MAGI2: variants seen among roughly 807,000 people sequenced by gnomAD.
The protein encoded by MAGI2 is membrane associated guanylate kinase, WW and PDZ domain containing 2.
Under a neutral mutation model 133.3 loss-of-function variants are expected in MAGI2, and 35 were observed. The observed-to-expected ratio is 0.26, with a 90% CI of 0.20 to 0.35. MAGI2 has a LOEUF of 0.35. MAGI2 is among the 10% of genes least tolerant of loss of function. The pLI is 1.00. For missense variants in MAGI2, 1,636 were observed against 1,863.4 expected, an observed-to-expected ratio of 0.88 and a Z score of 2.25; for synonymous variants, 729 against 710.6, an observed-to-expected ratio of 1.03 and a Z score of -0.41.
At chr7:79,173,009 T>C (rs1825757212) in intron 1 of MAGI2, 1 of 152,046 alleles carries the variant, frequency 6.6e-6, no homozygotes, top group South Asian at 2.1e-4. Flanking sequence ...AGAAATTAGC[T>C]ATTATGATTA....
At chr7:78,937,278 G>A (rs1481449680) in intron 2 of MAGI2, among the ~76,000 whole-genome samples, 1 of 152,074 alleles carries the variant, frequency 6.6e-6, no homozygotes, top group African/African-American at 2.4e-5. Flanking sequence ...AAAGAAATCT[G>A]TTAGTCCATA....
intron 2 of MAGI2, among the ~76,000 whole-genome samples, chr7:78,631,441 C>T (rs1161255962): frequency 6.6e-6 from 1 of 152,164 alleles, no homozygotes; most frequent in Non-Finnish European, 1.5e-5. Context: ...CATCGCTGCT[C>T]TTCCTGATGA....
intron 3 of MAGI2, among the ~76,000 whole-genome samples, chr7:78,601,697 C>T (rs1805228144): frequency 6.6e-6 from 1 of 152,152 alleles, no homozygotes; most frequent in African/African-American, 2.4e-5. Flanking sequence ...AAAATTACCA[C>T]ATTCCACAAC....
At chr7:78,158,388 G>A (rs1358026875) in intron 16 of MAGI2, 7 of 152,204 alleles carry the variant, frequency 4.6e-5, no homozygotes, top group African/African-American at 1.7e-4. Context: ...GGAAGCCTGA[G>A]AATCTGAAAA....
intron 6 of MAGI2, among the ~76,000 whole-genome samples, chr7:78,477,103 C>G (rs1310969081): frequency 4.9e-5 from 4 of 80,922 alleles, no homozygotes; most frequent in African/African-American, 2.5e-4. Flanking sequence ...ATCTGTTTCT[C>G]CCATTTCTGA....
chr7:78,776,866 G>C (rs770643739), intron 2 of MAGI2, among the ~76,000 whole-genome samples: 4 of 152,178 alleles, frequency 2.6e-5, no homozygotes, highest in Admixed American at 6.5e-5. Context: ...AACAGGTAAA[G>C]ATTCTACTCT....
At chr7:78,655,062 C>T (rs1285217823) in intron 2 of MAGI2, among the ~76,000 whole-genome samples, 2 of 151,542 alleles carry the variant, frequency 1.3e-5, no homozygotes, top group South Asian at 4.2e-4. Flanking sequence ...TTTTATATAT[C>T]GCATGCCCGT....
intron 1 of MAGI2, among the ~76,000 whole-genome samples, chr7:79,178,672 A>G (rs981112081): frequency 2.0e-5 from 3 of 151,702 alleles, no homozygotes; most frequent in Non-Finnish European, 1.5e-5. Flanking sequence ...AGATCACGCC[A>G]CTGCACTCCA....
intron 10 of MAGI2, among the ~76,000 whole-genome samples, chr7:78,239,443 A>G (rs960269700): frequency 6.6e-6 from 1 of 152,252 alleles, no homozygotes; most frequent in African/African-American, 2.4e-5. Context: ...TCTGTGCAGA[A>G]GAGGAAACAA....
At chr7:78,516,229 G>C (rs1208414178) in intron 4 of MAGI2, among the ~76,000 whole-genome samples, 1 of 152,326 alleles carries the variant, frequency 6.6e-6, no homozygotes, top group South Asian at 2.1e-4. Context: ...ATTAATGGGA[G>C]CCCGTGCTAA....
chr7:78,293,704 G>A (rs1286640107), intron 9 of MAGI2, among the ~76,000 whole-genome samples: 1 of 152,116 alleles, frequency 6.6e-6, no homozygotes, highest in Non-Finnish European at 1.5e-5. Context: ...ATCAATGATA[G>A]ACTGGATTAA....
At chr7:79,411,623 C>T (rs1846146621) in intron 1 of MAGI2, 1 of 152,108 alleles carries the variant, frequency 6.6e-6, no homozygotes, top group East Asian at 1.9e-4. Context: ...ATTTCCAGAA[C>T]TATAAGATAA....
At chr7:79,295,239 A>G (rs1836840283) in intron 1 of MAGI2, among the ~76,000 whole-genome samples, 1 of 152,222 alleles carries the variant, frequency 6.6e-6, no homozygotes. Context: ...TACAAACTTT[A>G]GAGCTAATTT....
intron 21 of MAGI2, among the ~76,000 whole-genome samples, chr7:78,022,514 A>C (rs939364505): frequency 6.6e-6 from 1 of 152,176 alleles, no homozygotes; most frequent in Non-Finnish European, 1.5e-5. Flanking sequence ...TAGGAGTAAA[A>C]ATTTGGGTTT....
chr7:78,856,654 G>T (rs1793663621), intron 2 of MAGI2, among the ~76,000 whole-genome samples: 1 of 152,144 alleles, frequency 6.6e-6, no homozygotes, highest in East Asian at 1.9e-4. Context: ...GGTTACTGTA[G>T]CCTTGTAGTA....
At chr7:78,684,783 T>C (rs1459788717) in intron 2 of MAGI2, among the ~76,000 whole-genome samples, 1 of 152,056 alleles carries the variant, frequency 6.6e-6, no homozygotes, top group Non-Finnish European at 1.5e-5. Flanking sequence ...AGCTATGATA[T>C]CCTCGGCAAA....
In MAGI2 at chr7:79,372,628, A is replaced by G. The variant is rs531425266; in HGVS notation, c.301+80392T>C. ...GAATAATTATGGAAGGTGATTTTGG[A>G]ATATATCAGAAAATACATTTTAACA... On this transcript the variant is annotated intron_variant, in intron 1 of 21. Coordinates refer to ENST00000354212, the MANE Select transcript of MAGI2 (RefSeq NM_012301.4). 3.9e-5 allele frequency among the ~76,000 whole-genome samples: 6 copies of G among 152,130 alleles called. No individual in the cohort carries two copies. The South Asian group carries it at 1.2e-3, about 32-fold the overall frequency.
At position 78,322,373 on chromosome 7, in the gene MAGI2, A is replaced by G. The variant is rs798298; in HGVS notation, c.1408+21405T>C. Among the ~76,000 whole-genome samples, 592 of 152,348 alleles carry G rather than the reference A, an allele frequency of 3.9e-3. 1 individual carries two copies. The highest frequency in any genetic ancestry group is 0.014 in the African/African-American group (567 of 41,584). The stretch of plus-strand genomic sequence containing the variant: ...TTGGAACCAACCTAAATGCTCATCA[A>G]TGATAGACTGGATAAGGTAAATGTG... On this transcript the variant is annotated intron_variant, in intron 9 of 21. Transcript: ENST00000354212.
intron 6 of MAGI2, 82 bp from the exon 7 acceptor site, chr7:78,369,295 T>C (rs577376567): frequency 3.0e-6 from 3 of 1,003,376 alleles, no homozygotes; most frequent in African/African-American, 1.6e-5. Flanking sequence ...TGTTCATGGA[T>C]TGCAGAAATG....
Sources: allele counts gnomAD v4.1 joint callset (sites outside exome capture counted in the v4.1 genomes callset), GRCh38; gene constraint gnomAD v4.1.1; transcripts MANE v1.5; gene names NCBI Gene and HGNC (gene_info 2026-07-23, HGNC 2026-07-21).